The following ACOXL variants were observed in gnomAD, a reference collection of about 807,000 sequenced individuals.
ACOXL encodes the protein acyl-CoA oxidase like, also known as acyl-coenzyme A oxidase-like protein.
A neutral mutation model predicts 71.9 loss-of-function variants in ACOXL; 70 were observed. The ratio of observed to expected loss-of-function variants is 0.97; its 90% confidence interval spans 0.80 to 1.19. The LOEUF is 1.19. Ranked by LOEUF, ACOXL falls within the 50% of genes most tolerant of loss-of-function variation. ACOXL has a pLI of 0.00. For missense variants in ACOXL, 703 were observed against 736.3 expected, an observed-to-expected ratio of 0.95 and a Z score of 0.52; for synonymous variants, 253 against 281.6, an observed-to-expected ratio of 0.90 and a Z score of 1.02.
At chr2:110,966,189 C>G (rs1376515051) in intron 12 of ACOXL, among the ~76,000 whole-genome samples, 1 of 152,140 alleles carries the variant, frequency 6.6e-6, no homozygotes, top group Non-Finnish European at 1.5e-5. Context: ...TTTCATTCCT[C>G]TCCTGGTGGA....
At chr2:111,031,463 C>T (rs567818331) in intron 14 of ACOXL, among the ~76,000 whole-genome samples, 164 bp from the exon 15 acceptor site, 1 of 152,290 alleles carries the variant, frequency 6.6e-6, no homozygotes, top group African/African-American at 2.4e-5. Flanking sequence ...ATTCATCTAA[C>T]AAGCAGTTTT....
At chr2:110,926,515 G>A (rs970974708) in intron 11 of ACOXL, among the ~76,000 whole-genome samples, 1 of 152,150 alleles carries the variant, frequency 6.6e-6, no homozygotes, top group Non-Finnish European at 1.5e-5. Flanking sequence ...ATAACATCGA[G>A]AAGGCTGCTG....
At chr2:110,805,095 T>C (rs1024599206) in intron 8 of ACOXL, among the ~76,000 whole-genome samples, 168 bp from the exon 9 acceptor site, 1 of 152,228 alleles carries the variant, frequency 6.6e-6, no homozygotes, top group Admixed American at 6.5e-5. Flanking sequence ...TCAGCATCTC[T>C]TGGAGAGGGA....
At position 110,793,731 on chromosome 2, in the gene ACOXL, C is replaced by T. The variant is rs1240214203; in HGVS notation, c.241C>T (p.Leu81Phe). The T allele has an allele frequency of 5.6e-6, 9 of 1,613,514 alleles. No homozygotes were observed. The highest frequency in any genetic ancestry group is 1.7e-5 in the Admixed American group (1 of 60,000). The stretch of plus-strand genomic sequence containing the variant: ...ACATGTTACTAAGTGGTTTCAGCCA[C>T]TCCAGGTATGGTATTTTCCTCAACA... The part of the protein sequence containing the change: ...PEHVTKWFQP[L>F]QEQKYTGMFA... The change falls in exon 4 of 18, where the codon CTC (leucine) becomes TTC (phenylalanine). Residue 81 changes from leucine (L) to phenylalanine (F), a missense_variant. Physicochemically the swap from Leu to Phe is conservative, Grantham distance 22 (BLOSUM62 0). Transcript: ENST00000439055.
At chr2:110,972,745 C>T (rs1364645414) in intron 12 of ACOXL, among the ~76,000 whole-genome samples, 1 of 152,004 alleles carries the variant, frequency 6.6e-6, no homozygotes, top group Non-Finnish European at 1.5e-5. Flanking sequence ...AGCAAGTTTC[C>T]AAGAGTCCTC....
chr2:110,977,360 G>A (rs1034695778), intron 12 of ACOXL, among the ~76,000 whole-genome samples: 11 of 151,694 alleles, frequency 7.3e-5, no homozygotes, highest in Non-Finnish European at 1.3e-4. Flanking sequence ...CCCCAGCCTG[G>A]GTGACAGAGT....
chr2:111,029,261 G>T (rs1195924927), intron 14 of ACOXL, among the ~76,000 whole-genome samples: 1 of 152,096 alleles, frequency 6.6e-6, no homozygotes, highest in Non-Finnish European at 1.5e-5. Context: ...CTGGAACCTC[G>T]TATTAAGGTT....
At chr2:110,982,038 T>A (rs914004404) in intron 12 of ACOXL, among the ~76,000 whole-genome samples, 2 of 152,228 alleles carry the variant, frequency 1.3e-5, no homozygotes, top group African/African-American at 4.8e-5. Flanking sequence ...GCTCTTAAGT[T>A]CGATTGAATT....
chr2:110,745,517 G>A (rs1678088773), intron 1 of ACOXL, among the ~76,000 whole-genome samples: 1 of 148,318 alleles, frequency 6.7e-6, no homozygotes, highest in Admixed American at 6.6e-5. Context: ...GACAGCAGAT[G>A]CTTTCCCTTA....
intron 2 of ACOXL, among the ~76,000 whole-genome samples, chr2:110,782,033 A>G (rs754344938): frequency 6.6e-6 from 1 of 152,248 alleles, no homozygotes; most frequent in Non-Finnish European, 1.5e-5. Context: ...TGTGAATAGC[A>G]TGGACTGTAA....
intron 14 of ACOXL, among the ~76,000 whole-genome samples, chr2:110,999,137 A>C (rs774827433): frequency 1.3e-5 from 2 of 152,160 alleles, no homozygotes; most frequent in Non-Finnish European, 2.9e-5. Context: ...GAAGTTCAAG[A>C]TCAAGGTTCC....
intron 10 of ACOXL, among the ~76,000 whole-genome samples, chr2:110,865,680 C>T (rs1173377866): frequency 2.0e-5 from 3 of 152,224 alleles, no homozygotes; most frequent in Admixed American, 6.5e-5. Flanking sequence ...CTGCCCCTTG[C>T]AGAGGCCAGC....
intron 16 of ACOXL, among the ~76,000 whole-genome samples, chr2:111,051,532 G>C (rs1175018624): frequency 6.6e-6 from 1 of 152,170 alleles, no homozygotes; most frequent in Non-Finnish European, 1.5e-5. Flanking sequence ...GCAGTGGCGT[G>C]ATCTTAGCTC....
intron 12 of ACOXL, among the ~76,000 whole-genome samples, chr2:110,974,082 G>T (rs1014455035): frequency 1.3e-5 from 2 of 152,186 alleles, no homozygotes; most frequent in South Asian, 2.1e-4. Context: ...GGTTGTGCTG[G>T]CTGCCTGTAC....
intron 11 of ACOXL, among the ~76,000 whole-genome samples, chr2:110,912,635 TAAAACAATAAA>T (rs2059687422): frequency 6.6e-6 from 1 of 152,138 alleles, no homozygotes; most frequent in Non-Finnish European, 1.5e-5. Flanking sequence ...ATTTAAGACC[TAAAACAATAAA>T]TCTCTTAGAG....
intron 2 of ACOXL, among the ~76,000 whole-genome samples, chr2:110,775,547 GA>G (rs897696949): frequency 1.3e-5 from 2 of 151,724 alleles, no homozygotes; most frequent in African/African-American, 4.8e-5. Flanking sequence ...AACTCAACAA[GA>G]AAAAAACCAA....
chr2:110,831,932 G>T (rs1689879427), intron 9 of ACOXL, among the ~76,000 whole-genome samples: 1 of 151,636 alleles, frequency 6.6e-6, no homozygotes, highest in Non-Finnish European at 1.5e-5. Context: ...ACTCAAAAGG[G>T]GTCACAGACT....
intron 10 of ACOXL, among the ~76,000 whole-genome samples, chr2:110,876,368 C>T (rs1407582524): frequency 6.6e-6 from 1 of 152,158 alleles, no homozygotes; most frequent in Non-Finnish European, 1.5e-5. Flanking sequence ...CCCCGAGGTG[C>T]CTGTGGTGTG....
At chr2:111,060,433 G>C (rs1357344710) in intron 16 of ACOXL, among the ~76,000 whole-genome samples, 1 of 152,170 alleles carries the variant, frequency 6.6e-6, no homozygotes. Flanking sequence ...CCTAGTGGGA[G>C]CCAGCACCCC....
Sources: gnomAD v4.1 joint callset for allele counts (sites outside exome capture counted in the v4.1 genomes callset) on GRCh38, gnomAD v4.1.1 for gene constraint, MANE v1.5 for transcripts, NCBI Gene and HGNC (gene_info 2026-07-23, HGNC 2026-07-21) for gene names.